The following MYO7A variants were observed in gnomAD, a reference collection of about 807,000 sequenced individuals.
MYO7A encodes the protein unconventional myosin-VIIa.
MYO7A carries 210 observed loss-of-function variants against 263.8 expected under a neutral mutation model. That is an observed-to-expected ratio of 0.80 (90% CI 0.71 to 0.89). MYO7A has a LOEUF of 0.89. Among genes scored for constraint, MYO7A ranks in the 40% least tolerant of loss-of-function variants. The probability of loss-of-function intolerance (pLI) is 0.00; values close to 1 mark genes in which losing one functional copy is unlikely to be tolerated. For synonymous variants in MYO7A, 1,239 were observed against 1,197.3 expected, an observed-to-expected ratio of 1.03 and a Z score of -0.72; for missense variants, 2,820 against 2,968.3, an observed-to-expected ratio of 0.95 and a Z score of 1.16.
rs1565472329 is a variant in MYO7A, at chr11:77,204,171, C to T, written c.5422C>T (p.Pro1808Ser). The T allele has an allele frequency of 2.5e-6, 4 of 1,589,850 alleles. 1 individual carries two copies. The South Asian group carries it at 3.5e-5, about 14-fold the overall frequency. ...QIFEGPLKAE[P>S]LKDEAYVQIL... Reference sequence around the variant, plus strand: ...CTTTGAGGGTCCCCTGAAAGCCGAGCCCCTGAAGGACGAGGCATATGTGCA... The same window carrying T: ...CTTTGAGGGTCCCCTGAAAGCCGAGTCCCTGAAGGACGAGGCATATGTGCA... The change falls in exon 39 of 49, where the codon CCC becomes TCC. Residue 1808 changes from proline to serine, a missense_variant. Coordinates refer to ENST00000409709, the MANE Select transcript of MYO7A (RefSeq NM_000260.4).
chr11:77,200,480 C>G (rs1022714105), intron 35 of MYO7A, among the ~76,000 whole-genome samples: 2 of 152,178 alleles, frequency 1.3e-5, no homozygotes, highest in Admixed American at 6.5e-5. Context: ...ACCGTGAGCA[C>G]GGCACCACAC....
intron 28 of MYO7A, 89 bp from the exon 29 acceptor site, chr11:77,189,931 G>A: frequency 6.9e-7 from 1 of 1,442,236 alleles, no homozygotes; most frequent in African/African-American, 1.4e-5. Flanking sequence ...TGGAGGAGCG[G>A]CCTCCAAGTG....
intron 26 of MYO7A, 145 bp downstream of exon 26, chr11:77,183,302 AG>A: frequency 1.4e-6 from 1 of 695,042 alleles, no homozygotes; most frequent in African/African-American, 1.8e-5. Context: ...GGCCAGGGAC[AG>A]GACAACATGA....
intron 18 of MYO7A, among the ~76,000 whole-genome samples, chr11:77,177,312 T>C (rs1035150370): frequency 1.3e-5 from 2 of 152,192 alleles, no homozygotes; most frequent in African/African-American, 4.8e-5. Context: ...TCCAGAGAGA[T>C]TAGGCACCTT....
At chr11:77,170,012 A>G (rs1453251134) in intron 15 of MYO7A, among the ~76,000 whole-genome samples, 1 of 152,214 alleles carries the variant, frequency 6.6e-6, no homozygotes, top group Non-Finnish European at 1.5e-5. Flanking sequence ...TCGAGGCTGC[A>G]ATGAGCCAAG....
rs1555090165 is a variant in MYO7A, at chr11:77,189,335, C to T, written c.3504-9C>T. 1.9e-6 allele frequency: 3 copies of T among 1,612,928 alleles called. No homozygotes were observed. The South Asian group carries it at 3.3e-5, about 18-fold the overall frequency. On this transcript the variant is annotated splice_polypyrimidine_tract_variant and intron_variant, in intron 27 of 48. Coordinates refer to ENST00000409709, the MANE Select transcript of MYO7A (RefSeq NM_000260.4). ...TGATTCCCCCTCCCTTGCCCTGCTG[C>T]CTGCCCAGGGACGAGATCTACTGCC...
chr11:77,192,883 GA>G (rs368446270), intron 31 of MYO7A, among the ~76,000 whole-genome samples: 1 of 442 alleles, frequency 2.3e-3, no homozygotes, highest in Non-Finnish European at 4.8e-3. Flanking sequence ...GGTGATGGTG[GA>G]GGAGGTAGTG....
chr11:77,136,191 C>T (rs1416467644), intron 2 of MYO7A, among the ~76,000 whole-genome samples: 1 of 151,974 alleles, frequency 6.6e-6, no homozygotes, highest in Non-Finnish European at 1.5e-5. Context: ...TTTTTTTATT[C>T]TTTCATCATT....
At chr11:77,161,935 G>C (rs1953038323) in intron 12 of MYO7A, among the ~76,000 whole-genome samples, 185 bp from the exon 13 acceptor site, 1 of 152,198 alleles carries the variant, frequency 6.6e-6, no homozygotes, top group African/African-American at 2.4e-5. Context: ...TGCCCTTGCT[G>C]GGCCTCCGTG....
chr11:77,135,321 T>C (rs1950877501), intron 2 of MYO7A, among the ~76,000 whole-genome samples: 1 of 152,240 alleles, frequency 6.6e-6, no homozygotes, highest in Non-Finnish European at 1.5e-5. Context: ...ACACTATTTG[T>C]CTTTTTGTGA....
In MYO7A at chr11:77,201,550, T is replaced by A. The variant is rs1395794164; in HGVS notation, c.4955T>A (p.Ile1652Asn). The part of the protein sequence containing the change: ...QVMNSGWANG[I>N]NERTKQRGDF... ...ATGAACTCGGGCTGGGCCAACGGCA[T>A]CAATGAGAGGACCAAGCAGCGTGGG... Residue 1652 changes from isoleucine to asparagine, a missense_variant, in exon 36 of 49, where the codon ATC becomes AAC. Physicochemically the swap from Ile to Asn is moderately radical, Grantham distance 149. Coordinates refer to ENST00000409709, the MANE Select transcript of MYO7A (RefSeq NM_000260.4). 6.2e-7 allele frequency: 1 copy of A among 1,613,742 alleles called. No homozygotes were observed. The highest frequency in any genetic ancestry group is 8.5e-7 in the Non-Finnish European group (1 of 1,179,886).
chr11:77,179,052 T>C lies in MYO7A; in HGVS notation c.2290T>C (p.Phe764Leu), dbSNP rs1555082058. ...CCACTACTGCTGTTTCAGGTCTAAC[T>C]TTCTGAAGCTGAAGAACGCTGCCAC... ...VIRGFKDRSN[F>L]LKLKNAATLI... Residue 764 changes from phenylalanine (F) to leucine (L), a missense_variant, in exon 20 of 49, where the codon TTT becomes CTT. Phe to Leu is a conservative substitution (Grantham distance 22). Transcript: ENST00000409709. 9 of 1,605,770 alleles carry C rather than the reference T, an allele frequency of 5.6e-6. No individual in the cohort carries two copies. The South Asian group carries it at 1.0e-4, about 18-fold the overall frequency.
chr11:77,146,002 T>G (rs1951535505), intron 3 of MYO7A, among the ~76,000 whole-genome samples: 1 of 152,226 alleles, frequency 6.6e-6, no homozygotes, highest in Admixed American at 6.5e-5. Flanking sequence ...CCACATCATT[T>G]GTGCCCGGCC....
chr11:77,206,061 C>A, intron 40 of MYO7A, 36 bp from the exon 41 acceptor site: 1 of 1,526,328 alleles, frequency 6.6e-7, no homozygotes, highest in South Asian at 1.2e-5. Flanking sequence ...CACAGTCCCA[C>A]GCACATGCCC....
chr11:77,163,054 A>C, intron 14 of MYO7A, 66 bp downstream of exon 14: 1 of 1,555,248 alleles, frequency 6.4e-7, no homozygotes, highest in Non-Finnish European at 8.8e-7. Flanking sequence ...GCTCCAGCCC[A>C]GGAATAAGAT....
chr11:77,176,424 G>A (rs1366472057), intron 18 of MYO7A, among the ~76,000 whole-genome samples: 3 of 152,226 alleles, frequency 2.0e-5, no homozygotes, highest in Admixed American at 2.0e-4. Context: ...AAACAGTCCT[G>A]TGGAGAAGGA....
intron 42 of MYO7A, 45 bp from the exon 43 acceptor site, chr11:77,208,385 G>T: frequency 1.4e-6 from 2 of 1,451,648 alleles, no homozygotes; most frequent in South Asian, 2.4e-5. Flanking sequence ...GTCAGAAAAT[G>T]CAGTGTTGCT....
At chr11:77,146,872 G>T (rs1951607252) in intron 3 of MYO7A, among the ~76,000 whole-genome samples, 1 of 152,090 alleles carries the variant, frequency 6.6e-6, no homozygotes, top group South Asian at 2.1e-4. Flanking sequence ...TGGGGGCGGG[G>T]AGGGCCCCAG....
chr11:77,194,883 C>T (rs1463809948), intron 32 of MYO7A, among the ~76,000 whole-genome samples: 1 of 152,132 alleles, frequency 6.6e-6, no homozygotes, highest in East Asian at 1.9e-4. Flanking sequence ...AGAACTCCAG[C>T]CCAACTTCCC....
Sources: allele counts gnomAD v4.1 joint callset (sites outside exome capture counted in the v4.1 genomes callset), GRCh38; gene constraint gnomAD v4.1.1; transcripts MANE v1.5; gene names NCBI Gene and HGNC (gene_info 2026-07-23, HGNC 2026-07-21).